The following ASIC2 variants were observed in gnomAD, a reference collection of about 807,000 sequenced individuals.
ASIC2 encodes the protein acid-sensing ion channel 2.
In ASIC2, 25 loss-of-function variants were observed where a neutral mutation model predicts 57.3. The ratio of observed to expected loss-of-function variants is 0.44; its 90% CI spans 0.32 to 0.61. ASIC2 has a LOEUF of 0.61. ASIC2 is among the 20% of genes least tolerant of loss of function. The pLI, the probability that ASIC2 is intolerant of heterozygous loss-of-function variation, is 0.06. For missense variants in ASIC2, 641 were observed against 738.1 expected (o/e 0.87, Z 1.52); for synonymous variants, 319 against 307.5 (o/e 1.04, Z -0.39).
chr17:33,297,360 G>A (rs1905758928), upstream of ASIC2, among the ~76,000 whole-genome samples: 2 of 152,112 alleles, frequency 1.3e-5, no homozygotes, highest in South Asian at 2.1e-4. Context: ...ATATTTCTGC[G>A]GGTGGTTGGG....
At chr17:33,016,199 C>G (rs975335581) in intron 8 of ASIC2, among the ~76,000 whole-genome samples, 160 bp from the exon 9 acceptor site, 3 of 152,342 alleles carry the variant, frequency 2.0e-5, no homozygotes, top group Non-Finnish European at 4.4e-5. Context: ...AGGTGCCTGT[C>G]TGTCTCAACC....
intron 1 of ASIC2, among the ~76,000 whole-genome samples, chr17:34,019,953 A>G (rs1162481127): frequency 6.6e-6 from 1 of 152,162 alleles, no homozygotes; most frequent in Non-Finnish European, 1.5e-5. Flanking sequence ...TATGATCTCC[A>G]GGTTCCAAGA....
chr17:34,120,604 G>A (rs945739048), intron 1 of ASIC2, among the ~76,000 whole-genome samples: 3 of 151,036 alleles, frequency 2.0e-5, no homozygotes, highest in Non-Finnish European at 2.9e-5. Context: ...GTGCTAAATC[G>A]CAGTAACTCA....
intron 1 of ASIC2, among the ~76,000 whole-genome samples, chr17:33,329,421 A>T (rs1907214455): frequency 1.3e-5 from 2 of 152,156 alleles, no homozygotes; most frequent in African/African-American, 2.4e-5. Flanking sequence ...CCTGCAGGGG[A>T]TAAGGAGGCC....
chr17:33,786,563 CT>C (rs1911605992), intron 1 of ASIC2, among the ~76,000 whole-genome samples: 2 of 152,166 alleles, frequency 1.3e-5, no homozygotes, highest in Admixed American at 1.3e-4. Context: ...TAAAGAATGG[CT>C]TTTTAAATTT....
At chr17:33,987,226 G>A (rs940390706) in intron 1 of ASIC2, among the ~76,000 whole-genome samples, 2 of 152,068 alleles carry the variant, frequency 1.3e-5, no homozygotes, top group Non-Finnish European at 2.9e-5. Context: ...GAACCAACTC[G>A]GCTGCTCCCA....
chr17:33,801,425 T>G (rs1358414458), intron 1 of ASIC2, among the ~76,000 whole-genome samples: 1 of 152,184 alleles, frequency 6.6e-6, no homozygotes, highest in African/African-American at 2.4e-5. Context: ...TGACATGACC[T>G]GTCCTTCCTC....
chr17:34,014,133 T>G (rs1277367064), intron 1 of ASIC2, among the ~76,000 whole-genome samples: 2 of 152,218 alleles, frequency 1.3e-5, no homozygotes, highest in African/African-American at 4.8e-5. Flanking sequence ...TCCCATTTAT[T>G]GGGTACTTAC....
upstream of ASIC2, among the ~76,000 whole-genome samples, chr17:33,295,110 C>T (rs1905671023): frequency 6.6e-6 from 1 of 152,192 alleles, no homozygotes; most frequent in Non-Finnish European, 1.5e-5. Context: ...GCCTTTAAAA[C>T]ATTTTGGGTT....
rs547030163 is a variant in ASIC2, at chr17:33,996,010, A to G, written c.555+159968T>C. Among the ~76,000 whole-genome samples the G allele has an allele frequency of 2.6e-5, 4 of 152,138 alleles. No homozygotes were observed. In the South Asian group the frequency reaches 6.2e-4, roughly 24 times the overall value. ...TTTCTCCATATCTTTGACGATACCT[A>G]TTGTCTCTCATCTTTTTTATAATAT... On this transcript the variant is annotated intron_variant, in intron 1 of 9. Transcript: ENST00000359872.
chr17:33,707,416 C>T lies in ASIC2; in HGVS notation c.555+448562G>A, dbSNP rs9897152. On this transcript the variant is annotated intron_variant, in intron 1 of 9. Transcript: ENST00000359872. ...CACTTATCTTTTCCTTACTCTTTTC[C>T]ATTACTTTGTCTTTTTATTCTACTA... Among the ~76,000 whole-genome samples, 595 of 152,120 alleles carry T rather than the reference C, an allele frequency of 3.9e-3. 2 individuals carry two copies. The highest frequency in any genetic ancestry group is 0.014 in the African/African-American group (569 of 41,512).
At chr17:34,155,016 G>C (rs965821346) in intron 1 of ASIC2, among the ~76,000 whole-genome samples, 1 of 151,850 alleles carries the variant, frequency 6.6e-6, no homozygotes. Flanking sequence ...TGCCCCTCCA[G>C]TAAGCCCCAT....
chr17:33,600,218 G>A (rs1267850813), intron 1 of ASIC2, among the ~76,000 whole-genome samples: 2 of 152,212 alleles, frequency 1.3e-5, no homozygotes, highest in African/African-American at 2.4e-5. Flanking sequence ...TGTTGGAAAC[G>A]TAATTATTGC....
chr17:33,579,670 C>T (rs1400233298), intron 1 of ASIC2, among the ~76,000 whole-genome samples: 3 of 152,082 alleles, frequency 2.0e-5, no homozygotes, highest in African/African-American at 7.3e-5. Flanking sequence ...CCTGGTCTGG[C>T]AGACTTCTAG....
At chr17:34,119,425 C>T (rs1447390503) in intron 1 of ASIC2, among the ~76,000 whole-genome samples, 3 of 152,208 alleles carry the variant, frequency 2.0e-5, no homozygotes, top group Admixed American at 6.5e-5. Context: ...AGTTTGATGT[C>T]TATTTTTACC....
chr17:34,101,432 A>G (rs1237619597), intron 1 of ASIC2, among the ~76,000 whole-genome samples: 5 of 152,214 alleles, frequency 3.3e-5, no homozygotes, highest in African/African-American at 1.2e-4. Flanking sequence ...TCAAGTGCTT[A>G]CCTGAAGGTA....
intron 3 of ASIC2, among the ~76,000 whole-genome samples, chr17:33,056,150 G>A (rs1450271220): frequency 6.6e-6 from 1 of 152,188 alleles, no homozygotes; most frequent in Admixed American, 6.5e-5. Context: ...GGCTGCAGAG[G>A]TGGGGCTAGG....
intron 1 of ASIC2, among the ~76,000 whole-genome samples, chr17:33,683,993 C>T (rs1421162875): frequency 6.6e-6 from 1 of 152,146 alleles, no homozygotes; most frequent in Non-Finnish European, 1.5e-5. Context: ...ACGATTTAAC[C>T]CAATAACAGT....
In ASIC2 at chr17:34,101,241, A is replaced by C. The variant is rs184470981; in HGVS notation, c.555+54737T>G. 3.4e-3 allele frequency among the ~76,000 whole-genome samples: 517 copies of C among 152,356 alleles called. 2 individuals are homozygous for C. Among genetic ancestry groups the C allele is most frequent in the African/African-American group, 0.012 (486 of 41,582 alleles). ...TGTATCCGGTATTGTTTTAAGTACC[A>C]GAGACACATACATATACAAGGCTCA... On this transcript the variant is annotated intron_variant, in intron 1 of 9. Coordinates refer to the ASIC2 transcript ENST00000359872.
Sources: allele counts gnomAD v4.1 joint callset (sites outside exome capture counted in the v4.1 genomes callset), GRCh38; gene constraint gnomAD v4.1.1; transcripts MANE v1.5; gene names NCBI Gene and HGNC (gene_info 2026-07-23, HGNC 2026-07-21).